NTN1: variants seen among roughly 807,000 people sequenced by gnomAD.
NTN1 encodes the protein netrin 1.
Under a neutral mutation model 54.2 loss-of-function variants are expected in NTN1, and 11 were observed. That is an observed-to-expected ratio of 0.20 (90% confidence interval 0.13 to 0.34). NTN1 has a LOEUF of 0.34. Ranked by LOEUF, NTN1 falls within the 10% of genes least tolerant of loss-of-function variation. The probability of loss-of-function intolerance (pLI) is 1.00; values close to 1 mark genes in which losing one functional copy is unlikely to be tolerated. For missense variants in NTN1, 740 were observed against 893.1 expected, an observed-to-expected ratio of 0.83 and a Z score of 2.18; for synonymous variants, 371 against 382.0, an observed-to-expected ratio of 0.97 and a Z score of 0.33.
chr17:9,229,199 C>T (rs1905724154), intron 6 of NTN1, among the ~76,000 whole-genome samples: 1 of 151,750 alleles, frequency 6.6e-6, no homozygotes, highest in Admixed American at 6.6e-5. Flanking sequence ...CTTGGGGGTC[C>T]GTGGAAGCAG....
rs549720324 is a variant in NTN1, at chr17:9,065,315, C to T, written c.1018+41924C>T. Among the ~76,000 whole-genome samples, 11 of 152,244 alleles carry T rather than the reference C, an allele frequency of 7.2e-5. No homozygotes were observed. The East Asian group carries it at 1.9e-3, about 27-fold the overall frequency. On this transcript the variant is annotated intron_variant, in intron 2 of 6. Coordinates refer to ENST00000173229, the MANE Select transcript of NTN1 (RefSeq NM_004822.3). ...GTCGGACGGTGGCACAGATTCCTTC[C>T]CTGCCAGTCTGACCCCAGCCTGCCT...
chr17:9,200,793 G>A (rs967696694), intron 5 of NTN1, among the ~76,000 whole-genome samples: 3 of 152,156 alleles, frequency 2.0e-5, no homozygotes, highest in African/African-American at 7.2e-5. Context: ...TATCCTCAAG[G>A]GACTGGTGTA....
Position 9,241,906 on chromosome 17 carries a change from G to C in NTN1, c.*1938G>C, listed in dbSNP as rs77633648. ...TGCACTCCAGCTCTGCAGCCTACCCGCCCAATCCCTGTGCAGGCTGGGAGG... is the reference window on the plus strand; with the variant it reads ...TGCACTCCAGCTCTGCAGCCTACCCCCCCAATCCCTGTGCAGGCTGGGAGG... On this transcript the variant is annotated 3_prime_UTR_variant, in exon 7 of 7. Coordinates refer to ENST00000173229, the MANE Select transcript of NTN1 (RefSeq NM_004822.3). The C allele has an allele frequency of 6.6e-6, 1 of 152,260 alleles. No individual in the cohort carries two copies. The highest frequency in any genetic ancestry group is 2.4e-5 in the African/African-American group (1 of 41,458). The allele number at this position is 152,260 out of a possible 1,614,324, so 9.4% of individuals were successfully genotyped here.
In NTN1 at chr17:9,192,490, A is replaced by G. The variant is rs188176534; in HGVS notation, c.1411+9521A>G. Reference sequence around the variant, plus strand: ...TTGTAGATTTCAGTGGTTCTCAATCAGGGGCTATTGTATGTCTGGAGATAT... The same window carrying G: ...TTGTAGATTTCAGTGGTTCTCAATCGGGGGCTATTGTATGTCTGGAGATAT... On this transcript the variant is annotated intron_variant, in intron 5 of 6. Transcript: ENST00000173229. 2.0e-3 allele frequency among the ~76,000 whole-genome samples: 307 copies of G among 152,238 alleles called. 3 individuals carry two copies. Among genetic ancestry groups the G allele is most frequent in the African/African-American group, 6.7e-3 (277 of 41,530 alleles).
In NTN1 at chr17:9,239,664, C is replaced by T. The variant is rs1265173784; in HGVS notation, c.1511C>T (p.Ala504Val). 2.5e-6 allele frequency: 4 copies of T among 1,611,512 alleles called. No individual in the cohort carries two copies. Among genetic ancestry groups the T allele is most frequent in the East Asian group, 4.5e-5 (2 of 44,818 alleles). Residue 504 changes from alanine to valine, a missense_variant, in exon 7 of 7, where the codon GCG becomes GTG. Ala to Val is a moderately conservative substitution (Grantham distance 64). Coordinates refer to ENST00000173229, the MANE Select transcript of NTN1 (RefSeq NM_004822.3). The surrounding 1 kb of genome is among the most constrained non-coding windows in gnomAD (Gnocchi z 5.2). ...GCCGTCCAGATCCACATCCTGAAGGCGGACAAGGCGGGGGACTGGTGGAAG... is the reference window on the plus strand; with the variant it reads ...GCCGTCCAGATCCACATCCTGAAGGTGGACAAGGCGGGGGACTGGTGGAAG... ...DYAVQIHILK[A>V]DKAGDWWKFT...
At chr17:9,020,566 G>C (rs1028489270), upstream of NTN1, among the ~76,000 whole-genome samples, 18 of 152,240 alleles carry the variant, frequency 1.2e-4, no homozygotes, top group Admixed American at 2.6e-4. Context: ...TCTTGTGCGA[G>C]TTTCTTCAGC....
chr17:9,092,184 C>T (rs1393380313), intron 2 of NTN1, among the ~76,000 whole-genome samples: 3 of 152,210 alleles, frequency 2.0e-5, no homozygotes, highest in African/African-American at 7.2e-5. Flanking sequence ...GCCACCACAC[C>T]TGGCGACTGG....
At chr17:9,202,288 G>A (rs1195034943) in intron 5 of NTN1, among the ~76,000 whole-genome samples, 1 of 151,958 alleles carries the variant, frequency 6.6e-6, no homozygotes, top group East Asian at 1.9e-4. Context: ...TGAAGCCTGA[G>A]ACATGTCCTG....
intron 3 of NTN1, among the ~76,000 whole-genome samples, chr17:9,169,174 C>G (rs765201632): frequency 6.6e-6 from 1 of 152,242 alleles, no homozygotes; most frequent in African/African-American, 2.4e-5. Context: ...AGACCTCAGT[C>G]TCCTCATCTG....
At chr17:9,077,132 C>A (rs1210341940) in intron 2 of NTN1, among the ~76,000 whole-genome samples, 1 of 151,974 alleles carries the variant, frequency 6.6e-6, no homozygotes, top group South Asian at 2.1e-4. Context: ...GAGGAAAGAA[C>A]TGATAACAGT....
chr17:9,237,691 G>A (rs1299221693), intron 6 of NTN1, among the ~76,000 whole-genome samples: 2 of 152,184 alleles, frequency 1.3e-5, no homozygotes, highest in East Asian at 1.9e-4. Flanking sequence ...GAGCTCATTC[G>A]TATTCAGCTC....
chr17:9,021,240 G>GGGGT (rs955289599), upstream of NTN1, among the ~76,000 whole-genome samples: 7 of 151,264 alleles, frequency 4.6e-5, no homozygotes, highest in African/African-American at 1.7e-4. Context: ...CCTCCCCCAC[G>GGGGT]GGGTGCGCGC....
At chr17:9,099,764 A>G (rs566236934) in intron 2 of NTN1, among the ~76,000 whole-genome samples, 5 of 152,282 alleles carry the variant, frequency 3.3e-5, no homozygotes, top group Non-Finnish European at 7.3e-5. Flanking sequence ...CTTTCTTACA[A>G]TAGCCATTAT....
chr17:9,007,186 CCTTT>C, the NTN1 span, among the ~76,000 whole-genome samples: 343 of 146,336 alleles, frequency 2.3e-3, no homozygotes, highest in African/African-American at 8.2e-3. Flanking sequence ...CTCTCTCTTC[CCTTT>C]CTTTCTTCCT....
intron 2 of NTN1, among the ~76,000 whole-genome samples, chr17:9,085,088 G>C (rs372674968): frequency 1.2e-4 from 18 of 152,334 alleles, no homozygotes; most frequent in African/African-American, 4.3e-4. Flanking sequence ...AGGACCTCCT[G>C]GTTAGCTGTA....
intron 2 of NTN1, among the ~76,000 whole-genome samples, chr17:9,074,323 A>G (rs1213931400): frequency 6.6e-6 from 1 of 152,192 alleles, no homozygotes; most frequent in Non-Finnish European, 1.5e-5. Context: ...ATTCTCATCA[A>G]GGGTCACTGA....
chr17:9,103,981 C>T (rs202149459), intron 2 of NTN1, among the ~76,000 whole-genome samples: 2 of 144,372 alleles, frequency 1.4e-5, no homozygotes, highest in African/African-American at 2.6e-5. Context: ...CCCAGAGACT[C>T]GGGAGGCTGA....
intron 2 of NTN1, among the ~76,000 whole-genome samples, chr17:9,089,194 C>G (rs1051394437): frequency 5.3e-5 from 8 of 152,254 alleles, no homozygotes; most frequent in African/African-American, 1.9e-4. Flanking sequence ...TGGTGGATCA[C>G]CCGAGTTCAG....
At chr17:9,094,645 T>C (rs1370123158) in intron 2 of NTN1, among the ~76,000 whole-genome samples, 1 of 152,140 alleles carries the variant, frequency 6.6e-6, no homozygotes, top group Non-Finnish European at 1.5e-5. Flanking sequence ...GTAACCTCAC[T>C]GAGGCTGTGT....
Sources: allele counts gnomAD v4.1 joint callset (sites outside exome capture counted in the v4.1 genomes callset), GRCh38; gene constraint gnomAD v4.1.1; non-coding constraint Gnocchi (gnomAD v3.1); transcripts MANE v1.5; gene names NCBI Gene and HGNC (gene_info 2026-07-23, HGNC 2026-07-21).